The following KIF13A variants were observed in gnomAD, a reference collection of about 807,000 sequenced individuals.
KIF13A encodes kinesin-like protein KIF13A.
KIF13A carries 79 observed loss-of-function variants against 212.2 expected under a neutral mutation model. The ratio of observed to expected loss-of-function variants is 0.37; its 90% CI spans 0.31 to 0.45. The LOEUF (loss-of-function observed/expected upper bound fraction) is 0.45. Among genes scored for constraint, KIF13A ranks in the 20% least tolerant of loss-of-function variants. KIF13A has a pLI of 1.00. For missense variants in KIF13A, 1,901 were observed against 2,209.0 expected (o/e 0.86, Z 2.79); for synonymous variants, 789 against 808.6 (o/e 0.98, Z 0.41).
intron 2 of KIF13A, among the ~76,000 whole-genome samples, chr6:17,985,071 C>G (rs1400870697): frequency 2.6e-5 from 4 of 152,176 alleles, no homozygotes; most frequent in Non-Finnish European, 5.9e-5. Flanking sequence ...TCCTAATGTA[C>G]AAGGAGCACT....
rs113150983 is a variant in KIF13A at position 17,923,363 on chromosome 6, A to T, written c.147-25183T>A. The stretch of plus-strand genomic sequence containing the variant: ...TGATTCTCTCCAAATATAAAAATTT[A>T]AAAATAAAGTAGATGAGTCAGGAGA... On this transcript the variant is annotated intron_variant, in intron 2 of 38. Transcript: ENST00000259711. Among the ~76,000 whole-genome samples, 1,066 of 152,154 alleles carry T rather than the reference A, an allele frequency of 7.0e-3. 13 individuals are homozygous for T. Among genetic ancestry groups the T allele is most frequent in the African/African-American group, 0.024 (998 of 41,556 alleles).
In KIF13A at chr6:17,805,574, C is replaced by T; in HGVS notation, c.2205G>A (p.Arg735=). The part of the protein sequence containing the change: ...IVSEPAIQVR[R]KGKSTQVWTI... ...TCCACACTTGGGTGCTCTTTCCTTT[C>T]CTCCTCACTTGGATAGCTGGTTCAC... The change falls in exon 19 of 39, where the codon AGG becomes AGA. Residue 735 remains arginine (R), a synonymous_variant. Coordinates refer to ENST00000259711, the MANE Select transcript of KIF13A (RefSeq NM_022113.6). 1 of 1,612,840 alleles carries T rather than the reference C, an allele frequency of 6.2e-7. No individual in the cohort carries two copies. Among genetic ancestry groups the T allele is most frequent in the Non-Finnish European group, 8.5e-7 (1 of 1,179,206 alleles).
At chr6:17,822,884 G>C (rs1764587145) in intron 16 of KIF13A, among the ~76,000 whole-genome samples, 1 of 152,220 alleles carries the variant, frequency 6.6e-6, no homozygotes, top group Admixed American at 6.5e-5. Flanking sequence ...AGAGTGGAAT[G>C]AATCTTGACT....
rs751762958 is a variant in KIF13A, at chr6:17,971,894, A to G, written c.146+15160T>C. On this transcript the variant is annotated intron_variant, in intron 2 of 38. Transcript: ENST00000259711. The surrounding 1 kb of genome is among the most constrained non-coding windows in gnomAD (Gnocchi z 4.2). ...GGAAAAAAACCAAAACTAGTTAAAT[A>G]ATAATCTAGCTAGAGAGCTTAAAAA... Among the ~76,000 whole-genome samples, 3 of 152,204 alleles carry G rather than the reference A, an allele frequency of 2.0e-5. No homozygotes were observed. The highest frequency in any genetic ancestry group is 4.4e-5 in the Non-Finnish European group (3 of 68,040).
chr6:17,907,956 A>G (rs759473427), intron 2 of KIF13A, among the ~76,000 whole-genome samples: 1 of 152,196 alleles, frequency 6.6e-6, no homozygotes, highest in Non-Finnish European at 1.5e-5. Context: ...AAGAGGCCAC[A>G]CCATCTAGAG....
In KIF13A at chr6:17,886,064, T is replaced by A. The variant is rs954598662; in HGVS notation, c.159+12104A>T. Among the ~76,000 whole-genome samples, 1 of 152,244 alleles carries A rather than the reference T, an allele frequency of 6.6e-6. No individual in the cohort carries two copies. Among genetic ancestry groups the A allele is most frequent in the Non-Finnish European group, 1.5e-5 (1 of 68,042 alleles). On this transcript the variant is annotated intron_variant, in intron 3 of 38. Transcript: ENST00000259711. The surrounding 1 kb of genome is among the most constrained non-coding windows in gnomAD (Gnocchi z 5.6). ...CAATAAAAACAGTCCAAAAGATAAGTTGCAAATGTCTAAGCATCTGCTATC... is the reference window on the plus strand; with the variant it reads ...CAATAAAAACAGTCCAAAAGATAAGATGCAAATGTCTAAGCATCTGCTATC...
At chr6:17,875,996 G>A (rs1198759615) in intron 3 of KIF13A, among the ~76,000 whole-genome samples, 1 of 152,148 alleles carries the variant, frequency 6.6e-6, no homozygotes, top group Non-Finnish European at 1.5e-5. Flanking sequence ...ATGAAGTCCA[G>A]GAAAGAAGCC....
intron 22 of KIF13A, among the ~76,000 whole-genome samples, chr6:17,797,179 G>A (rs1317761999): frequency 1.3e-5 from 2 of 151,844 alleles, no homozygotes; most frequent in African/African-American, 4.8e-5. Context: ...ACAGGCACTC[G>A]CCACCACGCC....
At chr6:17,815,887 T>C (rs1763888903) in intron 17 of KIF13A, among the ~76,000 whole-genome samples, 2 of 148,790 alleles carry the variant, frequency 1.3e-5, no homozygotes, top group Non-Finnish European at 3.0e-5. Flanking sequence ...AAGTCATAAA[T>C]CTTTTCTTTT....
rs1406223188 is a variant in KIF13A, at chr6:17,888,126, G to A, written c.159+10042C>T. ...TTCCTCAGAAGACACAAGACACAAA[G>A]TACTGAAGTAGTGAATGATGATGTT... is the stretch of plus-strand genomic sequence containing the variant. On this transcript the variant is annotated intron_variant, in intron 3 of 38. Transcript: ENST00000259711. This position sits in a 1 kb window ranked among gnomAD's most constrained non-coding sequence, Gnocchi z 4.8. 6.6e-6 allele frequency among the ~76,000 whole-genome samples: 1 copy of A among 152,108 alleles called. No individual in the cohort carries two copies. The highest frequency in any genetic ancestry group is 1.5e-5 in the Non-Finnish European group (1 of 68,022).
chr6:17,966,062 C>T (rs756102020), intron 2 of KIF13A, among the ~76,000 whole-genome samples: 9 of 152,082 alleles, frequency 5.9e-5, no homozygotes, highest in South Asian at 2.1e-4. Flanking sequence ...GATGTGATGG[C>T]GTGTGCCTAT....
In KIF13A at chr6:17,838,633, CA is replaced by C. The variant is rs1403142002; in HGVS notation, c.831-1051del. Among the ~76,000 whole-genome samples the C allele has an allele frequency of 4.0e-5, 6 of 151,776 alleles. No individual in the cohort carries two copies. Among genetic ancestry groups the C allele is most frequent in the African/African-American group, 7.3e-5 (3 of 41,314 alleles). ...GTACATCATCTTAAGTGAAACAAGTCAAAAAAATTAAAATAAAAATATATAA... is the reference window on the plus strand; with the variant it reads ...GTACATCATCTTAAGTGAAACAAGTCAAAAAATTAAAATAAAAATATATAA... On this transcript the variant is annotated intron_variant, in intron 9 of 38. Transcript: ENST00000259711. This position sits in a 1 kb window ranked among gnomAD's most constrained non-coding sequence, Gnocchi z 4.2.
chr6:17,910,207 G>A (rs1054463144), intron 2 of KIF13A, among the ~76,000 whole-genome samples: 2 of 152,178 alleles, frequency 1.3e-5, no homozygotes, highest in Non-Finnish European at 2.9e-5. Flanking sequence ...TTTAAAATGT[G>A]CATTTACTTT....
At chr6:17,862,345 T>C (rs1012753322) in intron 4 of KIF13A, among the ~76,000 whole-genome samples, 8 of 152,224 alleles carry the variant, frequency 5.3e-5, no homozygotes, top group Admixed American at 5.2e-4. Flanking sequence ...GCGTGGCCAG[T>C]ATAAATCTAG....
chr6:17,874,999 G>GCGCGCGCACACA lies in KIF13A; in HGVS notation c.160-1563_160-1562insTGTGTGCGCGCG, dbSNP rs913365480. 7.1e-4 allele frequency among the ~76,000 whole-genome samples: 85 copies of GCGCGCGCACACA among 120,320 alleles called. 1 individual carries two copies. The highest frequency in any genetic ancestry group is 2.5e-3 in the African/African-American group (81 of 32,740). 78.9% of individuals were successfully genotyped at this position (120,320 alleles called of 152,430 possible). On this transcript the variant is annotated intron_variant, in intron 3 of 38. Coordinates refer to ENST00000259711, the MANE Select transcript of KIF13A (RefSeq NM_022113.6). ...CCACCACACACACACACACGCACAC[G>GCGCGCGCACACA]CACGCACACACACACACACACACAC...
In KIF13A at chr6:17,816,855, G is replaced by A. The variant is rs1254849581; in HGVS notation, c.2000+165C>T. The stretch of plus-strand genomic sequence containing the variant: ...GCTAACATTATAGTAAACATACTTA[G>A]GGTGGACAATATTTGTGAAAGGAAA... On this transcript the variant is annotated intron_variant, in intron 17 of 38. Transcript: ENST00000259711. This position sits in a 1 kb window ranked among gnomAD's most constrained non-coding sequence, Gnocchi z 4.3. Among the ~76,000 whole-genome samples the A allele has an allele frequency of 6.6e-6, 1 of 152,162 alleles. No homozygotes were observed. The highest frequency in any genetic ancestry group is 2.4e-5 in the African/African-American group (1 of 41,426).
intron 11 of KIF13A, among the ~76,000 whole-genome samples, chr6:17,835,154 C>T (rs1030988814): frequency 2.2e-5 from 3 of 138,388 alleles, no homozygotes; most frequent in African/African-American, 8.3e-5. Context: ...CCACTGCACT[C>T]CAGCCCGGGC....
chr6:17,840,446 C>A (rs1766400099), intron 9 of KIF13A, among the ~76,000 whole-genome samples: 3 of 152,012 alleles, frequency 2.0e-5, no homozygotes. Flanking sequence ...TTTGAACTAT[C>A]CCAGATATTT....
chr6:17,976,148 C>A (rs368385530), intron 2 of KIF13A, among the ~76,000 whole-genome samples: 153 of 152,364 alleles, frequency 1.0e-3, no homozygotes, highest in African/African-American at 3.4e-3. Flanking sequence ...GATCCCGCAC[C>A]GGGGCTGCAG....
Sources: gnomAD v4.1 joint callset for allele counts (sites outside exome capture counted in the v4.1 genomes callset) on GRCh38, gnomAD v4.1.1 for gene constraint, Gnocchi (gnomAD v3.1) non-coding constraint, MANE v1.5 for transcripts, NCBI Gene and HGNC (gene_info 2026-07-23, HGNC 2026-07-21) for gene names.